Variants in TRAPPC9 observed in about 807,000 individuals in gnomAD.
TRAPPC9 encodes the protein trafficking protein particle complex subunit 9, also known as IKK2 binding protein.
TRAPPC9 carries 83 observed loss-of-function variants against 124.0 expected under a neutral mutation model. The observed-to-expected ratio is 0.67, with a 90% CI of 0.56 to 0.80. The LOEUF (loss-of-function observed/expected upper bound fraction) is 0.80. Ranked by LOEUF, TRAPPC9 falls within the 30% of genes least tolerant of loss-of-function variation. The pLI, the probability that TRAPPC9 is intolerant of heterozygous loss-of-function variation, is 0.00. For missense variants in TRAPPC9, 1,302 were observed against 1,508.3 expected (o/e 0.86, Z 2.27); for synonymous variants, 638 against 617.5 (o/e 1.03, Z -0.49).
intron 17 of TRAPPC9, among the ~76,000 whole-genome samples, chr8:140,190,869 G>A (rs2062475203): frequency 1.3e-5 from 2 of 152,192 alleles, no homozygotes; most frequent in South Asian, 4.1e-4. Context: ...AGAGGGTAAA[G>A]CAAACCTTTG....
chr8:139,740,363 G>T (rs778855702), intron 21 of TRAPPC9, among the ~76,000 whole-genome samples: 12 of 152,242 alleles, frequency 7.9e-5, no homozygotes, highest in Non-Finnish European at 1.8e-4. Context: ...GTGCCCGCCA[G>T]GGAGGGGCTT....
chr8:139,944,826 T>A (rs1834110441), intron 19 of TRAPPC9, among the ~76,000 whole-genome samples: 1 of 152,084 alleles, frequency 6.6e-6, no homozygotes, highest in African/African-American at 2.4e-5. Context: ...ATTGTTACAA[T>A]AGATTAAAAA....
At chr8:140,078,824 G>A (rs1021198924) in intron 17 of TRAPPC9, among the ~76,000 whole-genome samples, 2 of 152,090 alleles carry the variant, frequency 1.3e-5, no homozygotes, top group African/African-American at 4.8e-5. Context: ...CCAGTCAACA[G>A]GGGGCCTACC....
rs1367995124 is a variant in TRAPPC9, at chr8:140,451,263, C to T, written c.111G>A (p.Arg37=). 3.1e-6 allele frequency: 5 copies of T among 1,613,218 alleles called. No homozygotes were observed. The highest frequency in any genetic ancestry group is 4.2e-6 in the Non-Finnish European group (5 of 1,180,038). Residue 37 remains arginine (R), a synonymous_variant, in exon 2 of 23, where the codon AGG becomes AGA. Transcript: ENST00000438773. ...CGCTGATCTGACTCACAGAGCAAAT[C>T]CTCTTATAGATCCTGAAGAAGTTCT... ...SEENFFRIYK[R]ICSVSQISVR... is the part of the protein sequence containing the mutation.
chr8:140,328,602 G>A (rs1258397443), intron 9 of TRAPPC9, among the ~76,000 whole-genome samples: 1 of 152,156 alleles, frequency 6.6e-6, no homozygotes, highest in African/African-American at 2.4e-5. Flanking sequence ...GTGGGAGCAG[G>A]TGAAGGATAA....
intron 18 of TRAPPC9, among the ~76,000 whole-genome samples, chr8:140,018,671 T>C (rs1243276776): frequency 6.6e-6 from 1 of 152,218 alleles, no homozygotes; most frequent in Non-Finnish European, 1.5e-5. Flanking sequence ...GCAATCTTGC[T>C]AAATTGACTT....
chr8:139,747,507 A>G (rs1818985877), intron 21 of TRAPPC9, among the ~76,000 whole-genome samples: 1 of 102,878 alleles, frequency 9.7e-6, no homozygotes, highest in African/African-American at 3.8e-5. Context: ...AGGATCAGAG[A>G]AGATGCAGGG....
chr8:140,008,091 T>TA (rs1424551055), intron 18 of TRAPPC9, among the ~76,000 whole-genome samples: 2 of 152,170 alleles, frequency 1.3e-5, no homozygotes, highest in African/African-American at 4.8e-5. Context: ...AGAGCTATAA[T>TA]ATATTAATAA....
chr8:139,892,340 G>C (rs1030772006), intron 20 of TRAPPC9, among the ~76,000 whole-genome samples: 1 of 152,198 alleles, frequency 6.6e-6, no homozygotes, highest in Non-Finnish European at 1.5e-5. Context: ...AGGTGGCCCT[G>C]AGACTCCAGC....
intron 21 of TRAPPC9, among the ~76,000 whole-genome samples, chr8:139,747,161 A>C (rs1818954037): frequency 1.3e-5 from 2 of 152,160 alleles, no homozygotes; most frequent in African/African-American, 2.4e-5. Context: ...TGTCTAAATA[A>C]AGCAAAGACT....
intron 19 of TRAPPC9, among the ~76,000 whole-genome samples, chr8:139,980,556 C>A (rs1022450928): frequency 5.3e-5 from 8 of 152,210 alleles, no homozygotes; most frequent in African/African-American, 1.9e-4. Flanking sequence ...GGTAACAGCA[C>A]CATCACCAAC....
intron 21 of TRAPPC9, among the ~76,000 whole-genome samples, chr8:139,880,627 C>T (rs7819785): frequency 2.0e-5 from 3 of 152,048 alleles, no homozygotes; most frequent in Non-Finnish European, 4.4e-5. Flanking sequence ...TCGAGAGTCA[C>T]GTGCCCATGT....
At chr8:140,453,279 TC>T (rs1588387002) in intron 1 of TRAPPC9, among the ~76,000 whole-genome samples, 2 of 152,262 alleles carry the variant, frequency 1.3e-5, no homozygotes, top group East Asian at 3.9e-4. Flanking sequence ...TCAGGCCCCT[TC>T]CATGGCCCTC....
chr8:140,327,244 A>T (rs1040430010), intron 9 of TRAPPC9, among the ~76,000 whole-genome samples: 1 of 151,198 alleles, frequency 6.6e-6, no homozygotes, highest in African/African-American at 2.4e-5. Context: ...CAGGACATCT[A>T]AAAAAAAAGA....
chr8:140,325,580 T>G (rs1416809949), intron 9 of TRAPPC9, among the ~76,000 whole-genome samples: 1 of 152,148 alleles, frequency 6.6e-6, no homozygotes, highest in Non-Finnish European at 1.5e-5. Flanking sequence ...AAATTGACAA[T>G]CTTAATAGTC....
intron 17 of TRAPPC9, among the ~76,000 whole-genome samples, chr8:140,204,125 A>G (rs936250898): frequency 2.0e-5 from 3 of 152,138 alleles, no homozygotes; most frequent in South Asian, 2.1e-4. Flanking sequence ...CCCTCCCCAC[A>G]GTAATGAGTG....
chr8:140,334,341 G>GTCTTCTCCCCT (rs1251861623), intron 9 of TRAPPC9, among the ~76,000 whole-genome samples: 20 of 152,174 alleles, frequency 1.3e-4, no homozygotes, highest in African/African-American at 4.6e-4. Context: ...ATTTGAGAAA[G>GTCTTCTCCCCT]GCAATGTGAA....
intron 17 of TRAPPC9, among the ~76,000 whole-genome samples, chr8:140,168,623 G>A (rs556831105): frequency 6.6e-6 from 1 of 152,296 alleles, no homozygotes; most frequent in African/African-American, 2.4e-5. Context: ...TCAGAGTGAA[G>A]TCTGTTTTCC....
chr8:140,426,635 T>C lies in TRAPPC9; in HGVS notation c.866A>G (p.Gln289Arg), dbSNP rs919803112. 7 of 1,613,796 alleles carry C rather than the reference T, an allele frequency of 4.3e-6. No homozygotes were observed. The African/African-American group carries it at 8.0e-5, about 18-fold the overall frequency. ...TGTACCTGGATCAATGAGAACTTCCTGTGCCCCTGGAAGAAAGAACAGATT... is the reference window on the plus strand; with the variant it reads ...TGTACCTGGATCAATGAGAACTTCCCGTGCCCCTGGAAGAAAGAACAGATT... ...EAANRHRPGA[Q>R]EVLIDPGALT... Residue 289 changes from glutamine (Q) to arginine (R), a missense_variant, in exon 5 of 23, where the codon CAG becomes CGG. Gln to Arg is a conservative substitution (Grantham distance 43). Transcript: ENST00000438773.
Sources: allele counts gnomAD v4.1 joint callset (sites outside exome capture counted in the v4.1 genomes callset), GRCh38; gene constraint gnomAD v4.1.1; transcripts MANE v1.5; gene names NCBI Gene and HGNC (gene_info 2026-07-23, HGNC 2026-07-21).